Variants in AIG1 observed in about 807,000 individuals in gnomAD.
The protein encoded by AIG1 is androgen-induced gene 1 protein.
AIG1 carries 23 observed loss-of-function variants against 31.4 expected under a neutral mutation model. The observed-to-expected ratio is 0.73, with a 90% CI of 0.53 to 1.04. The LOEUF is 1.04. Among genes scored for constraint, AIG1 ranks in the 50% least tolerant of loss-of-function variants. AIG1 has a pLI of 0.00. For missense variants in AIG1, 274 were observed against 295.0 expected (o/e 0.93, Z 0.52); for synonymous variants, 100 against 110.5 (o/e 0.90, Z 0.60).
intron 4 of AIG1, among the ~76,000 whole-genome samples, chr6:143,312,130 C>A (rs1775337114): frequency 6.6e-6 from 1 of 152,016 alleles, no homozygotes; most frequent in Non-Finnish European, 1.5e-5. Flanking sequence ...AATGTTCATA[C>A]TACCCAAAGC....
At chr6:143,060,837 G>GC, upstream of AIG1, 3 of 712,860 alleles carry the variant, frequency 4.2e-6, no homozygotes, top group Non-Finnish European at 4.9e-6. Context: ...GCCCGCGCCC[G>GC]GGTTCCCACG....
chr6:143,161,553 ATG>A (rs558102779), intron 2 of AIG1, among the ~76,000 whole-genome samples: 4,370 of 149,946 alleles, frequency 0.029, 100 homozygotes, highest in Non-Finnish European at 0.046. Context: ...GTGTATATAT[ATG>A]TGTGTGTGTG....
intron 1 of AIG1, among the ~76,000 whole-genome samples, chr6:143,103,926 C>G (rs1195753254): frequency 1.3e-5 from 2 of 152,176 alleles, no homozygotes; most frequent in African/African-American, 4.8e-5. Flanking sequence ...GAAAAGTACT[C>G]TACTCAAAAT....
chr6:143,111,511 T>C (rs1360082820), intron 1 of AIG1, among the ~76,000 whole-genome samples: 2 of 152,358 alleles, frequency 1.3e-5, no homozygotes, highest in South Asian at 4.1e-4. Context: ...TGCTTCAGAC[T>C]CATTGCTTCT....
At chr6:143,262,335 C>T (rs188655856) in intron 3 of AIG1, among the ~76,000 whole-genome samples, 6 of 152,248 alleles carry the variant, frequency 3.9e-5, no homozygotes, top group Admixed American at 1.3e-4. Flanking sequence ...TTGAAGGCTC[C>T]ATCCGCAAGT....
intron 3 of AIG1, among the ~76,000 whole-genome samples, chr6:143,260,642 G>A (rs181571234): frequency 3.2e-4 from 48 of 152,278 alleles, no homozygotes; most frequent in African/African-American, 1.0e-3. Flanking sequence ...AGGTACTGTA[G>A]TGACTGTTTT....
intron 3 of AIG1, among the ~76,000 whole-genome samples, chr6:143,281,960 C>G (rs1406474494): frequency 6.6e-6 from 1 of 152,142 alleles, no homozygotes; most frequent in Non-Finnish European, 1.5e-5. Context: ...GAAAGATATT[C>G]CTTTTTCAAA....
At chr6:143,062,211 A>G (rs1354051418) in intron 1 of AIG1, among the ~76,000 whole-genome samples, 1 of 152,234 alleles carries the variant, frequency 6.6e-6, no homozygotes, top group Non-Finnish European at 1.5e-5. Flanking sequence ...TATTTGCATT[A>G]TATTAGATAC....
chr6:143,074,805 G>A (rs1349987615), intron 1 of AIG1, among the ~76,000 whole-genome samples: 1 of 152,148 alleles, frequency 6.6e-6, no homozygotes, highest in Non-Finnish European at 1.5e-5. Context: ...CAGTTCATGA[G>A]GAACATTTGT....
At chr6:143,250,915 A>T (rs1360840995) in intron 3 of AIG1, among the ~76,000 whole-genome samples, 1 of 152,222 alleles carries the variant, frequency 6.6e-6, no homozygotes, top group Non-Finnish European at 1.5e-5. Context: ...CAAGGAAGCC[A>T]AAAGATTAGA....
chr6:143,143,698 A>G lies in AIG1; in HGVS notation c.297+6708A>G, dbSNP rs1457143005. 2.6e-5 allele frequency among the ~76,000 whole-genome samples: 4 copies of G among 151,564 alleles called. No individual in the cohort carries two copies. In the East Asian group the frequency reaches 7.8e-4, roughly 29 times the overall value. ...CCTTTTCCTTTCTTTTCACCTCTGA[A>G]GTTAAAAGTACATCAGCTAGGTCAT... On this transcript the variant is annotated intron_variant, in intron 2 of 5. Transcript: ENST00000357847.
chr6:143,312,892 G>T (rs1460529381), intron 4 of AIG1, among the ~76,000 whole-genome samples: 20 of 151,960 alleles, frequency 1.3e-4, no homozygotes, highest in Non-Finnish European at 1.5e-5. Flanking sequence ...TTCAAAAATT[G>T]GCAAAAAATC....
chr6:143,114,157 A>G (rs1781544916), intron 1 of AIG1, among the ~76,000 whole-genome samples: 1 of 152,212 alleles, frequency 6.6e-6, no homozygotes, highest in African/African-American at 2.4e-5. Context: ...CTTTCATTTC[A>G]TGGCCCTGAA....
At chr6:143,270,087 A>C (rs1199767751) in intron 3 of AIG1, among the ~76,000 whole-genome samples, 1 of 152,216 alleles carries the variant, frequency 6.6e-6, no homozygotes, top group Non-Finnish European at 1.5e-5. Flanking sequence ...CCAAGATTCA[A>C]ACAGGACCCC....
chr6:143,198,701 C>T (rs9376729), intron 3 of AIG1, among the ~76,000 whole-genome samples: 2 of 152,080 alleles, frequency 1.3e-5, no homozygotes, highest in Non-Finnish European at 2.9e-5. Context: ...TACCACACCA[C>T]GTCTGCATTT....
chr6:143,061,265 T>C, intron 1 of AIG1, 199 bp downstream of exon 1: 1 of 723,698 alleles, frequency 1.4e-6, no homozygotes, highest in African/African-American at 1.7e-5. Flanking sequence ...TCTGAACCAC[T>C]CACCGTTACC....
At chr6:143,102,893 G>A (rs924271305) in intron 1 of AIG1, among the ~76,000 whole-genome samples, 1 of 152,052 alleles carries the variant, frequency 6.6e-6, no homozygotes, top group Non-Finnish European at 1.5e-5. Flanking sequence ...CCATACAATG[G>A]ATTTTTACTT....
chr6:143,130,293 T>A (rs900278812), intron 1 of AIG1, among the ~76,000 whole-genome samples: 4 of 152,102 alleles, frequency 2.6e-5, no homozygotes, highest in African/African-American at 9.7e-5. Context: ...CTGAAGTTTG[T>A]GAAGTAGGAA....
chr6:143,069,214 G>A (rs1040192589), intron 1 of AIG1, among the ~76,000 whole-genome samples: 7 of 152,022 alleles, frequency 4.6e-5, no homozygotes, highest in South Asian at 2.1e-4. Context: ...ACGGGGTTTC[G>A]CCATGTTGCC....
Sources: gnomAD v4.1 joint callset for allele counts (sites outside exome capture counted in the v4.1 genomes callset) on GRCh38, gnomAD v4.1.1 for gene constraint, MANE v1.5 for transcripts, NCBI Gene and HGNC (gene_info 2026-07-23, HGNC 2026-07-21) for gene names.